The following PAX8 variants were observed in gnomAD, a reference collection of about 807,000 sequenced individuals.
The protein encoded by PAX8 is paired box 8, also known as paired box protein Pax-8.
A neutral mutation model predicts 52.4 loss-of-function variants in PAX8; 15 were observed. The observed-to-expected ratio is 0.29, with a 90% CI of 0.19 to 0.44. The LOEUF (loss-of-function observed/expected upper bound fraction) is 0.44, where lower values mean the gene tolerates loss of function less well. Ranked by LOEUF, PAX8 falls within the 20% of genes least tolerant of loss-of-function variation. The probability of loss-of-function intolerance (pLI) is 1.00; values close to 1 mark genes in which losing one functional copy is unlikely to be tolerated. For synonymous variants in PAX8, 284 were observed against 249.7 expected (o/e 1.14, Z -1.29); for missense variants, 554 against 602.5 (o/e 0.92, Z 0.84).
At chr2:113,251,922 T>A (rs1691800730) in intron 2 of PAX8, among the ~76,000 whole-genome samples, 1 of 152,224 alleles carries the variant, frequency 6.6e-6, no homozygotes. Context: ...GCAGGGGCCC[T>A]GTCTTTGTCT....
rs552812059 is a variant in PAX8, at chr2:113,235,500, G to A, written c.981C>T (p.Ser327=). The A allele has an allele frequency of 3.0e-4, 482 of 1,613,940 alleles. No individual in the cohort carries two copies. The highest frequency in any genetic ancestry group is 4.5e-4 in the Admixed American group (27 of 60,014). ...SSSTPSSLSS[S]AFLDLQQVGS... ...CGACTTGCTGCAGATCCAAAAAGGC[G>A]GAGCTAGATAAAGAGGAAGGGGTGG... Residue 327 remains serine (S), a synonymous_variant, in exon 9 of 12, where the codon TCC becomes TCT. Transcript: ENST00000429538.
chr2:113,239,070 CTT>C (rs35990380), intron 7 of PAX8: 9 of 137,190 alleles, frequency 6.6e-5, no homozygotes, highest in Non-Finnish European at 9.6e-5. Flanking sequence ...TCCCCCTGCC[CTT>C]TTTTTTTTTT....
chr2:113,278,610 C>T (rs1304650786), intron 1 of PAX8, 141 bp from the exon 2 acceptor site: 4 of 793,328 alleles, frequency 5.0e-6, no homozygotes, highest in Non-Finnish European at 8.0e-6. Flanking sequence ...GGGCCAACCT[C>T]AGCCTAGCCT....
At chr2:113,245,238 G>T (rs1162380733) in intron 3 of PAX8, among the ~76,000 whole-genome samples, 1 of 152,040 alleles carries the variant, frequency 6.6e-6, no homozygotes, top group Non-Finnish European at 1.5e-5. Flanking sequence ...GTAGAGACAG[G>T]TTTCACTCAG....
At chr2:113,233,185 A>G (rs1383797368) in intron 9 of PAX8, among the ~76,000 whole-genome samples, 1 of 151,738 alleles carries the variant, frequency 6.6e-6, no homozygotes, top group African/African-American at 2.4e-5. Flanking sequence ...CAAATGACCC[A>G]TCTCTGCTGC....
intron 7 of PAX8, chr2:113,236,932 T>G: frequency 3.3e-6 from 2 of 612,272 alleles, no homozygotes; most frequent in Non-Finnish European, 5.6e-6. Context: ...GGCCAGCTGG[T>G]AGCATGGGTG....
At chr2:113,224,188 T>C (rs1054077840) in intron 10 of PAX8, among the ~76,000 whole-genome samples, 1 of 151,472 alleles carries the variant, frequency 6.6e-6, no homozygotes, top group African/African-American at 2.4e-5. Context: ...AATAAAAGGA[T>C]TGATGGAAAG....
chr2:113,241,556 C>G lies in PAX8; in HGVS notation c.772G>C (p.Glu258Gln). The change falls in exon 7 of 12, where the codon GAG (glutamate) becomes CAG (glutamine). Residue 258 changes from glutamate to glutamine, a missense_variant. Coordinates refer to ENST00000429538, the MANE Select transcript of PAX8 (RefSeq NM_003466.4). Reference protein sequence around the residue: ...AYASPSHTKGEQGLYPLPLLN... With the variant: ...AYASPSHTKGQQGLYPLPLLN... ...CCCAGGGCCCAGCTTCTCACCTGCT[C>G]GCCTTTGGTGTGGCTGGGGGAGGCA... 2 of 1,608,754 alleles carry G rather than the reference C, an allele frequency of 1.2e-6. No individual in the cohort carries two copies. Among genetic ancestry groups the G allele is most frequent in the Non-Finnish European group, 1.7e-6 (2 of 1,178,070 alleles).
chr2:113,231,912 G>C (rs1482111043), intron 9 of PAX8, among the ~76,000 whole-genome samples: 1 of 152,126 alleles, frequency 6.6e-6, no homozygotes, highest in Non-Finnish European at 1.5e-5. Context: ...ATTTTTAGTA[G>C]AGATGGGGTT....
At chr2:113,237,479 C>T (rs1043001747) in intron 7 of PAX8, 2 of 152,304 alleles carry the variant, frequency 1.3e-5, no homozygotes, top group South Asian at 2.1e-4. Context: ...CTTCTTTTCT[C>T]TCTCCACATC....
chr2:113,261,961 C>T (rs1424683980), intron 2 of PAX8, among the ~76,000 whole-genome samples: 1 of 152,020 alleles, frequency 6.6e-6, no homozygotes, highest in East Asian at 1.9e-4. Flanking sequence ...TCCCAAGCAG[C>T]TGGGATTATA....
At chr2:113,260,524 G>A (rs1456644083) in intron 2 of PAX8, among the ~76,000 whole-genome samples, 2 of 152,056 alleles carry the variant, frequency 1.3e-5, no homozygotes, top group Admixed American at 1.3e-4. Flanking sequence ...GGGATGGTGA[G>A]AAGAACCCCT....
At chr2:113,245,941 G>A (rs1458218047) in intron 3 of PAX8, among the ~76,000 whole-genome samples, 2 of 152,210 alleles carry the variant, frequency 1.3e-5, no homozygotes, top group African/African-American at 4.8e-5. Context: ...CCACCTAAGG[G>A]TCAGAGCAGG....
chr2:113,233,072 C>T (rs1221645124), intron 9 of PAX8, among the ~76,000 whole-genome samples: 1 of 141,816 alleles, frequency 7.1e-6, no homozygotes, highest in Non-Finnish European at 1.5e-5. Flanking sequence ...CCTTCCTCTC[C>T]ACTATCCTCT....
chr2:113,273,836 G>A (rs1458782714), intron 2 of PAX8: 1 of 151,988 alleles, frequency 6.6e-6, no homozygotes, highest in Non-Finnish European at 1.5e-5. Flanking sequence ...GATATTATCT[G>A]ATGTTTGTAC....
chr2:113,250,645 G>C (rs968366162), intron 2 of PAX8: 2 of 152,186 alleles, frequency 1.3e-5, no homozygotes, highest in East Asian at 1.9e-4. Context: ...TAAATTAAGC[G>C]TAAGAGAATA....
rs969931372 is a variant in PAX8, at chr2:113,235,311, G to C, written c.1087+83C>G. ...GTGGGGGTGGATGAGACTGAGGCCA[G>C]AGAGGGGGCTGGCGGTCTGCCCTGA... On this transcript the variant is annotated intron_variant, in intron 9 of 11. Transcript: ENST00000429538. The C allele has an allele frequency of 6.6e-6, 8 of 1,213,690 alleles. No homozygotes were observed. In the African/African-American group the frequency reaches 1.1e-4, roughly 16 times the overall value. 75.2% of individuals were successfully genotyped at this position (1,213,690 alleles called of 1,614,324 possible).
intron 2 of PAX8, chr2:113,273,571 A>G (rs1693607612): frequency 6.6e-6 from 1 of 152,246 alleles, no homozygotes; most frequent in African/African-American, 2.4e-5. Context: ...TGATAACGAC[A>G]TAATTTGATA....
At position 113,242,070 on chromosome 2, in the gene PAX8, T is replaced by G. The variant is rs202163462; in HGVS notation, c.539A>C (p.Tyr180Ser). ...SPQSDSLGSTYSINGLLGIAQ... is the reference protein window; with the variant it reads ...SPQSDSLGSTSSINGLLGIAQ... ...GATGCCCAGGAGCCCATTGATGGAG[T>G]AGGTGGAGCCCAGGGAATCCGACTG... Residue 180 changes from tyrosine (Y) to serine (S), a missense_variant, in exon 6 of 12, where the codon TAC becomes TCC. Physicochemically the swap from Tyr to Ser is moderately radical, Grantham distance 144. Coordinates refer to ENST00000429538, the MANE Select transcript of PAX8 (RefSeq NM_003466.4). 2 of 1,613,308 alleles carry G rather than the reference T, an allele frequency of 1.2e-6. No homozygotes were observed. Among genetic ancestry groups the G allele is most frequent in the African/African-American group, 2.7e-5 (2 of 74,934 alleles).
Sources: gnomAD v4.1 joint callset for allele counts (sites outside exome capture counted in the v4.1 genomes callset) on GRCh38, gnomAD v4.1.1 for gene constraint, MANE v1.5 for transcripts, NCBI Gene and HGNC (gene_info 2026-07-23, HGNC 2026-07-21) for gene names.